PCSK6: variants seen among roughly 807,000 people sequenced by gnomAD.
PCSK6 encodes the protein paired basic amino acid cleaving enzyme 4.
PCSK6 carries 85 observed loss-of-function variants against 123.3 expected under a neutral mutation model. That is an observed-to-expected ratio of 0.69 (90% CI 0.58 to 0.83). The LOEUF is 0.83. Among genes scored for constraint, PCSK6 ranks in the 40% least tolerant of loss-of-function variants. The pLI is 0.00. For missense variants in PCSK6, 1,191 were observed against 1,282.3 expected (o/e 0.93, Z 1.09); for synonymous variants, 508 against 516.0 (o/e 0.98, Z 0.21).
At chr15:101,382,393 T>TC (rs1596264463) in intron 10 of PCSK6, among the ~76,000 whole-genome samples, 184 bp from the exon 11 acceptor site, 1 of 152,156 alleles carries the variant, frequency 6.6e-6, no homozygotes, top group East Asian at 1.9e-4. Flanking sequence ...GCTGCCTCAC[T>TC]CTCTCTGAAC....
At position 101,347,459 on chromosome 15, in the gene PCSK6, T is replaced by C. The variant is rs572164672; in HGVS notation, c.1859-15428A>G. 43 of 1,253,602 alleles carry C rather than the reference T, an allele frequency of 3.4e-5. No individual in the cohort carries two copies. The East Asian group carries it at 9.5e-4, about 28-fold the overall frequency. The allele number at this position is 1,253,602 out of a possible 1,614,324, so 77.7% of individuals were successfully genotyped here. ...TGGTCACACAGAAGAGACTAATCTCTTCCCCTTCATTAAACATTTTACTGA... is the reference window on the plus strand; with the variant it reads ...TGGTCACACAGAAGAGACTAATCTCCTCCCCTTCATTAAACATTTTACTGA... On this transcript the variant is annotated intron_variant, in intron 13 of 21. Coordinates refer to ENST00000611716, the MANE Select transcript of PCSK6 (RefSeq NM_002570.5).
chr15:101,359,274 C>T lies in PCSK6; in HGVS notation c.1858+6922G>A, dbSNP rs1052421008. ...TCCAGTAGGCCCTAGAAGGTCAGAG[C>T]TGGAAGGTACCACAAGGTGTTTATT... is the stretch of plus-strand genomic sequence containing the variant. On this transcript the variant is annotated intron_variant, in intron 13 of 21. Coordinates refer to ENST00000611716, the MANE Select transcript of PCSK6 (RefSeq NM_002570.5). Among the ~76,000 whole-genome samples, 7 of 152,320 alleles carry T rather than the reference C, an allele frequency of 4.6e-5. No homozygotes were observed. In the South Asian group the frequency reaches 1.5e-3, roughly 32 times the overall value.
Position 101,398,896 on chromosome 15 carries a change from T to C in PCSK6, c.824-320A>G, listed in dbSNP as rs2042502936. Among the ~76,000 whole-genome samples the C allele has an allele frequency of 7.0e-6, 1 of 142,514 alleles. No individual in the cohort carries two copies. Among genetic ancestry groups the C allele is most frequent in the Admixed American group, 7.2e-5 (1 of 13,868 alleles). The allele number at this position is 142,514 out of a possible 152,430, so 93.5% of individuals were successfully genotyped here. ...AAAAAACAAGACCTATTATTATTATTATTATTATTTATTATTATTATTTTG... is the reference window on the plus strand; with the variant it reads ...AAAAAACAAGACCTATTATTATTATCATTATTATTTATTATTATTATTTTG... On this transcript the variant is annotated intron_variant, in intron 6 of 21. Coordinates refer to ENST00000611716, the MANE Select transcript of PCSK6 (RefSeq NM_002570.5). This position sits in a 1 kb window ranked among gnomAD's most constrained non-coding sequence, Gnocchi z 4.6.
intron 13 of PCSK6, among the ~76,000 whole-genome samples, chr15:101,364,601 G>C (rs1211905837): frequency 1.3e-5 from 2 of 152,128 alleles, no homozygotes; most frequent in Non-Finnish European, 2.9e-5. Flanking sequence ...CTTTCACCAA[G>C]GAGGCGAAAG....
intron 2 of PCSK6, among the ~76,000 whole-genome samples, chr15:101,442,807 C>T (rs1269900502): frequency 6.6e-6 from 1 of 152,184 alleles, no homozygotes; most frequent in Non-Finnish European, 1.5e-5. Context: ...CATTTTCCTT[C>T]TCAGCACTCA....
chr15:101,483,270 G>T (rs2057936605), intron 1 of PCSK6, among the ~76,000 whole-genome samples: 1 of 152,222 alleles, frequency 6.6e-6, no homozygotes, highest in African/African-American at 2.4e-5. Context: ...CCTGGTTAAG[G>T]CTTCGGCTTG....
chr15:101,342,199 G>T (rs2040631451), intron 13 of PCSK6, among the ~76,000 whole-genome samples: 1 of 148,312 alleles, frequency 6.7e-6, no homozygotes, highest in South Asian at 2.2e-4. Context: ...TTAAGAAGGA[G>T]TTTGTAACAA....
At chr15:101,404,543 C>T (rs1016561431) in intron 6 of PCSK6, among the ~76,000 whole-genome samples, 9 of 152,060 alleles carry the variant, frequency 5.9e-5, no homozygotes, top group Admixed American at 6.6e-5. Flanking sequence ...AGATCGTGGC[C>T]GCCGGCAAGA....
At chr15:101,453,167 C>G (rs1221165715) in intron 1 of PCSK6, among the ~76,000 whole-genome samples, 1 of 152,180 alleles carries the variant, frequency 6.6e-6, no homozygotes. Context: ...ATTCCTTCCT[C>G]CCATCAAAGG....
intron 1 of PCSK6, among the ~76,000 whole-genome samples, chr15:101,482,275 C>T (rs2057907957): frequency 6.6e-6 from 1 of 152,216 alleles, no homozygotes; most frequent in South Asian, 2.1e-4. Flanking sequence ...TGACACCTCC[C>T]TGCAGGGCTG....
chr15:101,465,939 C>A (rs1458050326), intron 1 of PCSK6, among the ~76,000 whole-genome samples: 2 of 151,978 alleles, frequency 1.3e-5, no homozygotes, highest in Non-Finnish European at 2.9e-5. Context: ...GTGCGGAGAA[C>A]AAATGTAACA....
In PCSK6 at chr15:101,479,876, A is replaced by G. The variant is rs559109996; in HGVS notation, c.297+9498T>C. Among the ~76,000 whole-genome samples, 392 of 152,274 alleles carry G rather than the reference A, an allele frequency of 2.6e-3. 6 individuals are homozygous for G. The highest frequency in any genetic ancestry group is 1.1e-3 in the Non-Finnish European group (78 of 68,010). ...GGCAAGAAGGAAGCTCTTGTAAGTG[A>G]CCACTGCTGGGGTCCTCCCAGGGGG... On this transcript the variant is annotated intron_variant, in intron 1 of 21. Transcript: ENST00000611716.
At chr15:101,393,069 C>T (rs552756250) in intron 8 of PCSK6, 143 bp downstream of exon 8, 27 of 731,160 alleles carry the variant, frequency 3.7e-5, no homozygotes, top group African/African-American at 1.1e-4. Flanking sequence ...TCAAATTGTT[C>T]GCCGATGGGT....
intron 1 of PCSK6, among the ~76,000 whole-genome samples, chr15:101,448,972 G>A (rs2056962811): frequency 6.6e-6 from 1 of 152,110 alleles, no homozygotes; most frequent in Non-Finnish European, 1.5e-5. Context: ...TATAGAATGT[G>A]TGAGTGTTGT....
At chr15:101,407,443 C>T (rs1316530452) in intron 6 of PCSK6, among the ~76,000 whole-genome samples, 3 of 152,082 alleles carry the variant, frequency 2.0e-5, no homozygotes, top group East Asian at 1.9e-4. Context: ...CCCAGGGTCT[C>T]GGGATAGTAA....
intron 13 of PCSK6, among the ~76,000 whole-genome samples, chr15:101,356,645 A>T (rs1329808599): frequency 1.3e-5 from 2 of 151,626 alleles, no homozygotes; most frequent in Non-Finnish European, 2.9e-5. Context: ...GCGCCGTTGC[A>T]CTCCAGCCTG....
rs111930062 is a variant in PCSK6, at chr15:101,326,625, A to C, written c.2078-146T>G. 2,631 of 716,154 alleles carry C rather than the reference A, an allele frequency of 3.7e-3. 45 individuals carry two copies. The African/African-American group carries it at 0.039, about 11-fold the overall frequency. 44.4% of individuals were successfully genotyped at this position (716,154 alleles called of 1,614,324 possible). On this transcript the variant is annotated intron_variant, in intron 15 of 21. Transcript: ENST00000611716. Reference sequence around the variant, plus strand: ...GCTGGGGCTGGACGGCCAGACGACAAGGCGGGAGCAGCCGTCCCTGCGGGT... The same window carrying C: ...GCTGGGGCTGGACGGCCAGACGACACGGCGGGAGCAGCCGTCCCTGCGGGT...
In PCSK6 at chr15:101,366,232, C is replaced by T; in HGVS notation, c.1822G>A (p.Asp608Asn). The T allele has an allele frequency of 1.2e-6, 2 of 1,613,646 alleles. No individual in the cohort carries two copies. Among genetic ancestry groups the T allele is most frequent in the South Asian group, 2.2e-5 (2 of 90,990 alleles). ...GGGTTGCGGACCTGGGATGGCAGAT[C>T]TTGGATTTCCAAGGTCCACTGCCCT... ...AEGQWTLEIQ[D>N]LPSQVRNPEK... The change falls in exon 13 of 22, where the codon GAT becomes AAT. Residue 608 changes from aspartate (D) to asparagine (N), a missense_variant. Coordinates refer to ENST00000611716, the MANE Select transcript of PCSK6 (RefSeq NM_002570.5).
intron 11 of PCSK6, among the ~76,000 whole-genome samples, chr15:101,372,537 T>C (rs2041616598): frequency 6.6e-6 from 1 of 152,192 alleles, no homozygotes; most frequent in African/African-American, 2.4e-5. Context: ...CAGCCCCCGC[T>C]GCGGTAGATG....
Sources: allele counts gnomAD v4.1 joint callset (sites outside exome capture counted in the v4.1 genomes callset), GRCh38; gene constraint gnomAD v4.1.1; non-coding constraint Gnocchi (gnomAD v3.1); transcripts MANE v1.5; gene names NCBI Gene and HGNC (gene_info 2026-07-23, HGNC 2026-07-21).